ELAVL4: variants seen among roughly 807,000 people sequenced by gnomAD.
ELAVL4 encodes ELAV like RNA binding protein 4.
In ELAVL4, 1 loss-of-function variant was observed where a neutral mutation model predicts 35.6. That is an observed-to-expected ratio of 0.03 (90% CI 0.01 to 0.13). The LOEUF (loss-of-function observed/expected upper bound fraction) is 0.13. ELAVL4 is among the 10% of genes least tolerant of loss of function. The pLI is 1.00. For synonymous variants in ELAVL4, 156 were observed against 171.0 expected (o/e 0.91, Z 0.69); for missense variants, 267 against 464.9 (o/e 0.57, Z 3.91).
chr1:50,140,664 A>T (rs1008051609), intron 1 of ELAVL4, among the ~76,000 whole-genome samples: 1 of 152,042 alleles, frequency 6.6e-6, no homozygotes, highest in Non-Finnish European at 1.5e-5. Flanking sequence ...GTCTTATTAT[A>T]GGATGTATAT....
chr1:50,059,517 A>G (rs1016170744), intron 1 of ELAVL4, among the ~76,000 whole-genome samples: 2 of 152,162 alleles, frequency 1.3e-5, no homozygotes, highest in South Asian at 2.1e-4. Flanking sequence ...TAGCATGGCT[A>G]TGATTTAAAA....
chr1:50,144,165 G>A (rs990918184), intron 1 of ELAVL4, among the ~76,000 whole-genome samples: 13 of 151,908 alleles, frequency 8.6e-5, no homozygotes, highest in East Asian at 7.7e-4. Flanking sequence ...ATTCTCATAC[G>A]TGCTACCTGG....
At chr1:50,197,924 A>G (rs1644156223) in intron 6 of ELAVL4, among the ~76,000 whole-genome samples, 1 of 152,258 alleles carries the variant, frequency 6.6e-6, no homozygotes. Flanking sequence ...ATTTTTCAGT[A>G]GAAAAATTAG....
At chr1:50,127,335 G>A (rs980039008) in intron 1 of ELAVL4, among the ~76,000 whole-genome samples, 10 of 152,108 alleles carry the variant, frequency 6.6e-5, no homozygotes, top group Non-Finnish European at 8.8e-5. Context: ...GGTAAAAAGC[G>A]ACTCAATATA....
intron 2 of ELAVL4, among the ~76,000 whole-genome samples, chr1:50,149,355 G>A (rs183263262): frequency 9.3e-5 from 14 of 151,044 alleles, no homozygotes; most frequent in African/African-American, 2.2e-4. Context: ...CTGAGATTGC[G>A]CTCCAGCCTG....
intron 1 of ELAVL4, among the ~76,000 whole-genome samples, chr1:50,048,458 A>AG (rs1663185596): frequency 6.6e-6 from 1 of 151,962 alleles, no homozygotes; most frequent in African/African-American, 2.4e-5. Flanking sequence ...TCCCGGCCCC[A>AG]GGGGAGAGAG....
rs528034501 is a variant in ELAVL4, at chr1:50,113,981, TAAG to T, written c.9+4786_9+4788del. 1.9e-3 allele frequency among the ~76,000 whole-genome samples: 285 copies of T among 152,218 alleles called. 9 individuals carry two copies. The South Asian group carries it at 0.058, about 31-fold the overall frequency. Reference sequence around the variant, plus strand: ...GAAAACCAAACTGGGCTGCTTCCCATAAGAACTGGTTTCTCTTCATGACTCCAA... The same window carrying T: ...GAAAACCAAACTGGGCTGCTTCCCATAACTGGTTTCTCTTCATGACTCCAA... On this transcript the variant is annotated intron_variant, in intron 1 of 6. Coordinates refer to ENST00000371824, the MANE Select transcript of ELAVL4 (RefSeq NM_001144774.3).
At chr1:50,179,169 AC>A (rs374938990) in intron 3 of ELAVL4, among the ~76,000 whole-genome samples, 23 of 148,986 alleles carry the variant, frequency 1.5e-4, no homozygotes, top group Middle Eastern at 3.4e-3. Flanking sequence ...TCCTTTCCCC[AC>A]CCCCTCACCC....
chr1:50,077,992 C>T (rs1187097974), intron 1 of ELAVL4, among the ~76,000 whole-genome samples: 1 of 152,134 alleles, frequency 6.6e-6, no homozygotes, highest in Non-Finnish European at 1.5e-5. Context: ...CACTAGCCTA[C>T]ATGACCTTGG....
intron 1 of ELAVL4, among the ~76,000 whole-genome samples, chr1:50,056,950 C>G (rs534946719): frequency 6.6e-6 from 1 of 150,890 alleles, no homozygotes; most frequent in East Asian, 1.9e-4. Context: ...AAAAAGCACA[C>G]CTACTTATTT....
chr1:50,166,250 G>A (rs1176932216), intron 2 of ELAVL4, among the ~76,000 whole-genome samples: 1 of 152,026 alleles, frequency 6.6e-6, no homozygotes, highest in African/African-American at 2.4e-5. Context: ...ATCTCTTGAG[G>A]TTATAAATAA....
At chr1:50,143,129 G>A (rs1043929941) in intron 1 of ELAVL4, among the ~76,000 whole-genome samples, 4 of 152,196 alleles carry the variant, frequency 2.6e-5, no homozygotes, top group African/African-American at 9.6e-5. Context: ...CCTGAGAAAG[G>A]CATTTGGGGT....
At chr1:50,063,305 A>G (rs1401543701) in intron 1 of ELAVL4, among the ~76,000 whole-genome samples, 1 of 152,144 alleles carries the variant, frequency 6.6e-6, no homozygotes, top group African/African-American at 2.4e-5. Context: ...ATATTTATAT[A>G]ATGTGTTCTG....
At chr1:50,054,210 A>G (rs1663542558) in intron 1 of ELAVL4, among the ~76,000 whole-genome samples, 1 of 152,232 alleles carries the variant, frequency 6.6e-6, no homozygotes. Context: ...TTCTTTGGCA[A>G]ATGAATTTGT....
At chr1:50,100,153 C>G (rs1362913456), upstream of ELAVL4, among the ~76,000 whole-genome samples, 1 of 152,240 alleles carries the variant, frequency 6.6e-6, no homozygotes, top group African/African-American at 2.4e-5. Context: ...ATTATGTAAT[C>G]TCTAGTTTTC....
At chr1:50,114,954 C>T (rs905189977) in intron 1 of ELAVL4, 1 of 152,060 alleles carries the variant, frequency 6.6e-6, no homozygotes, top group East Asian at 1.9e-4. Flanking sequence ...AATATTTATG[C>T]TTTCCCTTGC....
At chr1:50,199,105 T>C (rs534603094) in intron 6 of ELAVL4, among the ~76,000 whole-genome samples, 4 of 152,376 alleles carry the variant, frequency 2.6e-5, no homozygotes, top group African/African-American at 9.6e-5. Context: ...ATGATATTTT[T>C]TGGCTTTTTC....
intron 1 of ELAVL4, chr1:50,115,032 C>G (rs567303798): frequency 3.3e-5 from 5 of 152,152 alleles, no homozygotes; most frequent in African/African-American, 1.2e-4. Context: ...CTCTCTCTTT[C>G]TCTGTCTCTG....
rs761380670 is a variant in ELAVL4 at position 50,197,459 on chromosome 1, C to T, written c.765C>T (p.Gly255=). 3 of 1,583,390 alleles carry T rather than the reference C, an allele frequency of 1.9e-6. No individual in the cohort carries two copies. The South Asian group carries it at 3.5e-5, about 18-fold the overall frequency. The part of the protein sequence containing the change: ...RLDNLLNMAY[G]VKRFSPITID... ...ACAATTTGCTTAATATGGCCTATGG[C>T]GTAAAGAGGTAATTAAAACTCCACA... The change falls in exon 6 of 7, where the codon GGC becomes GGT. Residue 255 remains glycine (G), a synonymous_variant. Transcript: ENST00000371824.
Sources: gnomAD v4.1 joint callset for allele counts (sites outside exome capture counted in the v4.1 genomes callset) on GRCh38, gnomAD v4.1.1 for gene constraint, MANE v1.5 for transcripts, NCBI Gene and HGNC (gene_info 2026-07-23, HGNC 2026-07-21) for gene names.